KPNA4: variants seen among roughly 807,000 people sequenced by gnomAD.
KPNA4 encodes the protein karyopherin subunit alpha 4, also known as importin subunit alpha-3.
Under a neutral mutation model 71.3 loss-of-function variants are expected in KPNA4, and 13 were observed. The ratio of observed to expected loss-of-function variants is 0.18; its 90% CI spans 0.12 to 0.29. The LOEUF is 0.29. KPNA4 is among the 10% of genes least tolerant of loss of function. KPNA4 has a pLI of 1.00. For synonymous variants in KPNA4, 189 were observed against 195.2 expected, an observed-to-expected ratio of 0.97 and a Z score of 0.26; for missense variants, 334 against 603.2, an observed-to-expected ratio of 0.55 and a Z score of 4.67.
intron 1 of KPNA4, among the ~76,000 whole-genome samples, chr3:160,560,742 C>A (rs1226349889): frequency 6.6e-6 from 1 of 151,968 alleles, no homozygotes; most frequent in African/African-American, 2.4e-5. Context: ...TGAAGCAATT[C>A]TCAAACTGGC....
intron 11 of KPNA4, 66 bp downstream of exon 11, chr3:160,521,713 T>C: frequency 7.7e-6 from 11 of 1,435,568 alleles, no homozygotes; most frequent in Non-Finnish European, 3.9e-6. Flanking sequence ...TTGTCCATCT[T>C]TGAATGCCAT....
In KPNA4 at chr3:160,544,844, CA is replaced by C. The variant is rs554715800; in HGVS notation, c.70-8005del. On this transcript the variant is annotated intron_variant, in intron 1 of 16. Transcript: ENST00000334256. The stretch of plus-strand genomic sequence containing the variant: ...TACAAAACTATACCAAATGTGTAAG[CA>C]AGAGAGATTGAGGAACATTTTCCTT... 4.5e-3 allele frequency among the ~76,000 whole-genome samples: 681 copies of C among 151,898 alleles called. 7 individuals carry two copies. The highest frequency in any genetic ancestry group is 0.016 in the African/African-American group (658 of 41,418).
rs112143414 is a variant in KPNA4, at chr3:160,528,057, A to G, written c.470-18T>C. The stretch of plus-strand genomic sequence containing the variant: ...CACAGCATCTGATGGAAGAAAAAAT[A>G]ACAATACTTAAGGTTGAAGATACCA... On this transcript the variant is annotated intron_variant, in intron 7 of 16. Transcript: ENST00000334256. The G allele has an allele frequency of 0.018, 27,934 of 1,590,992 alleles. 342 individuals are homozygous for G. Among genetic ancestry groups the G allele is most frequent in the Middle Eastern group, 0.041 (227 of 5,572 alleles).
chr3:160,556,642 G>A (rs1722143091), intron 1 of KPNA4, among the ~76,000 whole-genome samples: 1 of 152,140 alleles, frequency 6.6e-6, no homozygotes. Context: ...AATCTGGTAT[G>A]CTCCAATGAG....
At chr3:160,536,958 T>C (rs1019880858) in intron 1 of KPNA4, 118 bp from the exon 2 acceptor site, 1 of 489,292 alleles carries the variant, frequency 2.0e-6, no homozygotes, top group African/African-American at 2.0e-5. Flanking sequence ...CATATGGATA[T>C]AAAGTCAAAT....
intron 2 of KPNA4, 29 bp from the exon 3 acceptor site, chr3:160,535,926 CCAAA>C (rs1721683270): frequency 2.8e-6 from 2 of 710,504 alleles, no homozygotes; most frequent in Non-Finnish European, 3.6e-6. Context: ...AAAAAAAAAA[CCAAA>C]CAGAGAATTT....
At chr3:160,521,932 C>T (rs751914654) in intron 10 of KPNA4, 22 bp from the exon 11 acceptor site, 8 of 1,580,908 alleles carry the variant, frequency 5.1e-6, no homozygotes, top group Non-Finnish European at 6.9e-6. Context: ...AATAAAAATT[C>T]AAACAACTTT....
intron 1 of KPNA4, among the ~76,000 whole-genome samples, chr3:160,546,305 G>C (rs1052651087): frequency 6.6e-6 from 1 of 152,162 alleles, no homozygotes; most frequent in African/African-American, 2.4e-5. Flanking sequence ...ATCACTTGAG[G>C]TCAGGAGTTC....
At chr3:160,535,123 T>C (rs1721661278) in intron 5 of KPNA4, among the ~76,000 whole-genome samples, 1 of 152,184 alleles carries the variant, frequency 6.6e-6, no homozygotes, top group Non-Finnish European at 1.5e-5. Flanking sequence ...GTGAGAAGAA[T>C]TAAGATACCT....
At chr3:160,528,357 T>C (rs1721502086) in intron 7 of KPNA4, among the ~76,000 whole-genome samples, 1 of 152,118 alleles carries the variant, frequency 6.6e-6, no homozygotes, top group South Asian at 2.1e-4. Flanking sequence ...AAGTACATTA[T>C]TGAAGTAACT....
chr3:160,504,916 G>T (rs1287577233), intron 16 of KPNA4, 42 bp downstream of exon 16: 5 of 921,252 alleles, frequency 5.4e-6, no homozygotes, highest in African/African-American at 3.5e-5. Flanking sequence ...CCAGATCTAT[G>T]TTTATATATA....
At chr3:160,552,571 A>C (rs572344217) in intron 1 of KPNA4, among the ~76,000 whole-genome samples, 1 of 152,340 alleles carries the variant, frequency 6.6e-6, no homozygotes, top group African/African-American at 2.4e-5. Context: ...ACTAACATTG[A>C]GTAAACACAC....
At chr3:160,548,749 A>G (rs953271415) in intron 1 of KPNA4, among the ~76,000 whole-genome samples, 5 of 152,192 alleles carry the variant, frequency 3.3e-5, no homozygotes, top group Non-Finnish European at 5.9e-5. Flanking sequence ...CTGCTACTAT[A>G]AACTAGAGTG....
chr3:160,562,887 T>A (rs1042625000), intron 1 of KPNA4, among the ~76,000 whole-genome samples: 1 of 152,208 alleles, frequency 6.6e-6, no homozygotes, highest in Non-Finnish European at 1.5e-5. Flanking sequence ...CAGGACTTAA[T>A]CTGATTTTGA....
rs1720746837 is a variant in KPNA4, at chr3:160,495,802, T to C, written c.*6302A>G. ...AGGAAATACCTAGAATACATGATGT[T>C]TTATGCAGCTGAACAGGACAACCCT... is the stretch of plus-strand genomic sequence containing the variant. On this transcript the variant is annotated 3_prime_UTR_variant, in exon 17 of 17. Transcript: ENST00000334256. 1 of 151,634 alleles carries C rather than the reference T, an allele frequency of 6.6e-6. No homozygotes were observed. The highest frequency in any genetic ancestry group is 2.4e-5 in the African/African-American group (1 of 41,234). The allele number at this position is 151,634 out of a possible 1,614,324, so 9.4% of individuals were successfully genotyped here.
intron 5 of KPNA4, among the ~76,000 whole-genome samples, chr3:160,534,351 T>TTAA (rs1160416476): frequency 6.6e-6 from 1 of 152,138 alleles, no homozygotes; most frequent in Non-Finnish European, 1.5e-5. Flanking sequence ...AACCTATTTA[T>TTAA]TAATACAAAG....
intron 11 of KPNA4, among the ~76,000 whole-genome samples, chr3:160,520,246 ATTG>A (rs1721318038): frequency 6.6e-6 from 1 of 151,614 alleles, no homozygotes; most frequent in South Asian, 2.1e-4. Flanking sequence ...ATGACAAATT[ATTG>A]TTTTTTCTTT....
chr3:160,516,442 T>TA (rs112115015), intron 11 of KPNA4, among the ~76,000 whole-genome samples: 38,589 of 145,320 alleles, frequency 0.27, 5,292 homozygotes, highest in Middle Eastern at 0.3. Flanking sequence ...GATAGTGCCA[T>TA]AAAAAAAAAA....
At chr3:160,546,530 G>C (rs1054678360) in intron 1 of KPNA4, among the ~76,000 whole-genome samples, 1 of 152,060 alleles carries the variant, frequency 6.6e-6, no homozygotes. Flanking sequence ...AAAAAAAGAA[G>C]AATCTGTGAG....
Sources: allele counts gnomAD v4.1 joint callset (sites outside exome capture counted in the v4.1 genomes callset), GRCh38; gene constraint gnomAD v4.1.1; transcripts MANE v1.5; gene names NCBI Gene and HGNC (gene_info 2026-07-23, HGNC 2026-07-21).